RASEF: variants seen among roughly 807,000 people sequenced by gnomAD.
The protein encoded by RASEF is ras and EF-hand domain-containing protein.
RASEF carries 68 observed loss-of-function variants against 90.1 expected under a neutral mutation model. The observed-to-expected ratio is 0.75, with a 90% confidence interval of 0.62 to 0.92. The LOEUF is 0.92. RASEF is among the 40% of genes least tolerant of loss of function. RASEF has a pLI of 0.00. For synonymous variants in RASEF, 331 were observed against 345.2 expected, an observed-to-expected ratio of 0.96 and a Z score of 0.46; for missense variants, 949 against 937.2, an observed-to-expected ratio of 1.01 and a Z score of -0.16.
At chr9:83,103,101 T>C in the RASEF span, among the ~76,000 whole-genome samples, 2 of 152,196 alleles carry the variant, frequency 1.3e-5, no homozygotes, top group African/African-American at 2.4e-5. Flanking sequence ...GCTCTGAGCA[T>C]TTGAAGTCAA....
At chr9:83,131,269 T>C in the RASEF span, among the ~76,000 whole-genome samples, 1 of 152,088 alleles carries the variant, frequency 6.6e-6, no homozygotes, top group Non-Finnish European at 1.5e-5. Flanking sequence ...ATTACATAAA[T>C]GCCAATAACA....
chr9:83,088,572 A>G, the RASEF span, among the ~76,000 whole-genome samples: 1 of 152,040 alleles, frequency 6.6e-6, no homozygotes, highest in South Asian at 2.1e-4. Context: ...AATTCTGTCA[A>G]ATAAGCTTCA....
At chr9:83,135,219 C>CTTCT in the RASEF span, among the ~76,000 whole-genome samples, 1 of 152,010 alleles carries the variant, frequency 6.6e-6, no homozygotes, top group Non-Finnish European at 1.5e-5. Context: ...AAGCTGGAAA[C>CTTCT]CATCATTCTG....
chr9:83,215,087 C>T, the RASEF span, among the ~76,000 whole-genome samples: 3 of 151,680 alleles, frequency 2.0e-5, no homozygotes, highest in African/African-American at 4.8e-5. Context: ...CGTCTGAACA[C>T]CAAGAAGAGT....
At chr9:83,204,162 G>C in the RASEF span, among the ~76,000 whole-genome samples, 1 of 152,132 alleles carries the variant, frequency 6.6e-6, no homozygotes, top group Non-Finnish European at 1.5e-5. Context: ...GATGGACCAA[G>C]TATGGATGGT....
the RASEF span, among the ~76,000 whole-genome samples, chr9:83,157,989 C>G: frequency 6.6e-6 from 1 of 152,158 alleles, no homozygotes; most frequent in Non-Finnish European, 1.5e-5. Context: ...ACACATGGAA[C>G]TACAAAAGGT....
chr9:83,151,834 C>T, the RASEF span, among the ~76,000 whole-genome samples: 1 of 152,150 alleles, frequency 6.6e-6, no homozygotes, highest in African/African-American at 2.4e-5. Flanking sequence ...GGAATTCAGA[C>T]CTGAAAAGCA....
chr9:83,055,424 A>C, intron 1 of RASEF: 1 of 603,354 alleles, frequency 1.7e-6, no homozygotes, highest in Admixed American at 2.3e-5. Context: ...GCGCGCACAC[A>C]CTGGCCTGCG....
the RASEF span, among the ~76,000 whole-genome samples, chr9:83,157,206 G>A: frequency 6.6e-6 from 1 of 152,226 alleles, no homozygotes; most frequent in Non-Finnish European, 1.5e-5. Context: ...TGATAGGTTA[G>A]TGTGCGTGAA....
chr9:83,054,715 G>A (rs1830071296), intron 1 of RASEF: 2 of 136,956 alleles, frequency 1.5e-5, no homozygotes, highest in South Asian at 4.9e-4. Flanking sequence ...ATGTACAGAT[G>A]GGTTTTCGGT....
At chr9:83,179,682 C>T in the RASEF span, among the ~76,000 whole-genome samples, 3 of 152,052 alleles carry the variant, frequency 2.0e-5, no homozygotes, top group African/African-American at 7.2e-5. Flanking sequence ...AGAAGATATA[C>T]TGTAATTGCA....
chr9:83,067,683 C>A (rs1830293227), upstream of RASEF, among the ~76,000 whole-genome samples: 1 of 151,986 alleles, frequency 6.6e-6, no homozygotes, highest in Non-Finnish European at 1.5e-5. Flanking sequence ...TATCAAATAC[C>A]ATTACATGTC....
At chr9:83,048,413 C>T in intron 1 of RASEF, 1 of 985,304 alleles carries the variant, frequency 1.0e-6, no homozygotes, top group Non-Finnish European at 1.2e-6. Context: ...TACTTTATAT[C>T]CTCACTGATG....
intron 16 of RASEF, among the ~76,000 whole-genome samples, chr9:82,985,307 A>G (rs1057316559): frequency 2.0e-5 from 3 of 152,216 alleles, no homozygotes; most frequent in Non-Finnish European, 4.4e-5. Flanking sequence ...AAAACGAGAG[A>G]GAAGCAAAAG....
upstream of RASEF, among the ~76,000 whole-genome samples, chr9:83,068,154 G>A (rs1830297492): frequency 2.0e-5 from 3 of 152,232 alleles, no homozygotes; most frequent in African/African-American, 7.2e-5. Flanking sequence ...TTACAGGCGT[G>A]AGCCGCCATA....
the RASEF span, among the ~76,000 whole-genome samples, chr9:83,140,784 C>T: frequency 2.6e-5 from 4 of 151,810 alleles, no homozygotes; most frequent in East Asian, 1.9e-4. Context: ...TTTTCAAAAG[C>T]ATAGAAGAAA....
rs903513743 is a variant in RASEF at position 83,035,847 on chromosome 9, C to T, written c.432-9926G>A. On this transcript the variant is annotated intron_variant, in intron 1 of 16. Coordinates refer to ENST00000376447, the MANE Select transcript of RASEF (RefSeq NM_152573.4). ...TCACCTTCCCAGATTTAGGACAGTC[C>T]CAGTTTATGTTCGTTGTCCTGTATC... Among the ~76,000 whole-genome samples, 6 of 152,224 alleles carry T rather than the reference C, an allele frequency of 3.9e-5. No individual in the cohort carries two copies. In the South Asian group the frequency reaches 8.3e-4, roughly 21 times the overall value.
chr9:83,062,911 G>C lies in RASEF; in HGVS notation c.-44C>G. ...CCGAGAGGGCTCCGGAGCGCCGCGGGGCGCAGGGCCCTCCCTGGAAGGACG... is the reference window on the plus strand; with the variant it reads ...CCGAGAGGGCTCCGGAGCGCCGCGGCGCGCAGGGCCCTCCCTGGAAGGACG... On this transcript the variant is annotated 5_prime_UTR_variant, in exon 1 of 17. Coordinates refer to ENST00000376447, the MANE Select transcript of RASEF (RefSeq NM_152573.4). 1.4e-6 allele frequency: 2 copies of C among 1,391,266 alleles called. No individual in the cohort carries two copies. Among genetic ancestry groups the C allele is most frequent in the Non-Finnish European group, 1.8e-6 (2 of 1,084,566 alleles). 86.2% of individuals were successfully genotyped at this position (1,391,266 alleles called of 1,614,324 possible). A position where few individuals can be genotyped will look rare whatever the true frequency, so the allele number is the denominator to read the frequency against.
chr9:83,100,558 T>C, the RASEF span, among the ~76,000 whole-genome samples: 1 of 152,248 alleles, frequency 6.6e-6, no homozygotes, highest in African/African-American at 2.4e-5. Context: ...CATTGTCATA[T>C]CATTTTTAAC....
Sources: gnomAD v4.1 joint callset for allele counts (sites outside exome capture counted in the v4.1 genomes callset) on GRCh38, gnomAD v4.1.1 for gene constraint, MANE v1.5 for transcripts, NCBI Gene and HGNC (gene_info 2026-07-23, HGNC 2026-07-21) for gene names.